GTF2F2: variants seen among roughly 807,000 people sequenced by gnomAD.
The protein encoded by GTF2F2 is ATP-dependent helicase GTF2F2.
A neutral mutation model predicts 42.2 loss-of-function variants in GTF2F2; 23 were observed. The observed-to-expected ratio is 0.55, with a 90% confidence interval of 0.39 to 0.77. The LOEUF is 0.77. GTF2F2 is among the 30% of genes least tolerant of loss of function. GTF2F2 has a pLI of 0.00. For synonymous variants in GTF2F2, 105 were observed against 100.8 expected (o/e 1.04, Z -0.25); for missense variants, 261 against 287.2 (o/e 0.91, Z 0.66).
chr13:45,236,494 C>CACACACAA lies in GTF2F2; in HGVS notation c.387-16370_387-16369insAACACACA, dbSNP rs1410112198. On this transcript the variant is annotated intron_variant, in intron 5 of 7. Transcript: ENST00000340473. ...TTCCTCACCCCCCGCCACACATACACACACACACACACACACACACACACA... is the reference window on the plus strand; with the variant it reads ...TTCCTCACCCCCCGCCACACATACACACACACAAACACACACACACACACACACACACA... Among the ~76,000 whole-genome samples, 6 of 70,546 alleles carry CACACACAA rather than the reference C, an allele frequency of 8.5e-5. No individual in the cohort carries two copies. In the African/African-American group the frequency reaches 9.5e-4, roughly 11 times the overall value. 46.3% of individuals were successfully genotyped at this position (70,546 alleles called of 152,430 possible). A position where few individuals can be genotyped will look rare whatever the true frequency, so the allele number is the denominator to read the frequency against.
intron 1 of GTF2F2, among the ~76,000 whole-genome samples, chr13:45,128,897 G>T (rs905494451): frequency 2.3e-4 from 35 of 152,004 alleles, no homozygotes; most frequent in Non-Finnish European, 3.8e-4. Flanking sequence ...CCGACACAAT[G>T]TTTTTAAGTT....
intron 4 of GTF2F2, among the ~76,000 whole-genome samples, chr13:45,189,315 G>T (rs1323037365): frequency 6.6e-6 from 1 of 152,044 alleles, no homozygotes; most frequent in Admixed American, 6.6e-5. Context: ...ATGGACATTT[G>T]GGTTGGTTCC....
At position 45,175,089 on chromosome 13, in the gene GTF2F2, C is replaced by G. The variant is rs537008697; in HGVS notation, c.304+23258C>G. Among the ~76,000 whole-genome samples, 113 of 152,190 alleles carry G rather than the reference C, an allele frequency of 7.4e-4. 2 individuals carry two copies. Among genetic ancestry groups the G allele is most frequent in the Admixed American group, 7.3e-3 (111 of 15,284 alleles). The stretch of plus-strand genomic sequence containing the variant: ...GTAATTTTGCATCTGTTAGCCAGTC[C>G]CTCCTTATCATGCCTCACACTTTCC... On this transcript the variant is annotated intron_variant, in intron 4 of 7. Coordinates refer to ENST00000340473, the MANE Select transcript of GTF2F2 (RefSeq NM_004128.3).
chr13:45,190,742 T>G (rs552158985), intron 4 of GTF2F2, among the ~76,000 whole-genome samples: 13 of 151,730 alleles, frequency 8.6e-5, no homozygotes, highest in Admixed American at 4.0e-4. Flanking sequence ...TTTGTGGGGG[T>G]TTTTTTGTTT....
At chr13:45,241,777 T>C (rs183770261) in intron 5 of GTF2F2, among the ~76,000 whole-genome samples, 4 of 152,312 alleles carry the variant, frequency 2.6e-5, no homozygotes, top group African/African-American at 9.6e-5. Context: ...AAATGGAGCC[T>C]GAGACTTTTC....
intron 2 of GTF2F2, 124 bp from the exon 3 acceptor site, chr13:45,149,646 T>C (rs1870382608): frequency 3.1e-6 from 3 of 966,960 alleles, no homozygotes; most frequent in Admixed American, 7.3e-5. Flanking sequence ...AGGGTAAATA[T>C]TGGTTAATCT....
intron 5 of GTF2F2, among the ~76,000 whole-genome samples, chr13:45,217,045 A>C (rs1406453552): frequency 6.6e-6 from 1 of 151,854 alleles, no homozygotes; most frequent in African/African-American, 2.4e-5. Flanking sequence ...TCACGCCTGT[A>C]ATCCCAGCAC....
At chr13:45,184,386 T>G (rs772398223) in intron 4 of GTF2F2, among the ~76,000 whole-genome samples, 1 of 147,698 alleles carries the variant, frequency 6.8e-6, no homozygotes, top group Non-Finnish European at 1.5e-5. Context: ...TTAACTTTAT[T>G]CCCCCCCGCC....
At chr13:45,281,976 A>G (rs1314420593) in intron 7 of GTF2F2, among the ~76,000 whole-genome samples, 2 of 152,024 alleles carry the variant, frequency 1.3e-5, no homozygotes, top group African/African-American at 4.8e-5. Context: ...AAGTGGGTGG[A>G]TCACCTGAGG....
chr13:45,248,648 G>T (rs1875749710), intron 5 of GTF2F2, among the ~76,000 whole-genome samples: 1 of 151,782 alleles, frequency 6.6e-6, no homozygotes, highest in South Asian at 2.1e-4. Context: ...TGATTTTTTT[G>T]TATTTTTAGT....
rs368606152 is a variant in GTF2F2, at chr13:45,212,475, C to CT, written c.386+4973dup. On this transcript the variant is annotated intron_variant, in intron 5 of 7. Coordinates refer to ENST00000340473, the MANE Select transcript of GTF2F2 (RefSeq NM_004128.3). ...TCTTTCTTTCTTTCTTTCTTTCTTT[C>CT]TTTCTTTCTTTCTTTCTTTCTTTCT... Among the ~76,000 whole-genome samples the CT allele has an allele frequency of 1.6e-3, 147 of 90,418 alleles. 7 individuals carry two copies. The highest frequency in any genetic ancestry group is 2.7e-3 in the Non-Finnish European group (110 of 41,124). 59.3% of individuals were successfully genotyped at this position (90,418 alleles called of 152,430 possible). A position where few individuals can be genotyped will look rare whatever the true frequency, so the allele number is the denominator to read the frequency against.
chr13:45,224,611 T>TC (rs1160077005), intron 5 of GTF2F2, among the ~76,000 whole-genome samples: 5 of 152,342 alleles, frequency 3.3e-5, no homozygotes, highest in African/African-American at 1.2e-4. Flanking sequence ...CACTTGGTCT[T>TC]TGTTGTTAAT....
chr13:45,236,813 T>G (rs1875015838), intron 5 of GTF2F2, among the ~76,000 whole-genome samples: 1 of 152,242 alleles, frequency 6.6e-6, no homozygotes. Context: ...TTTATTCATT[T>G]GCACCAACTA....
intron 7 of GTF2F2, among the ~76,000 whole-genome samples, chr13:45,279,578 A>T (rs955729862): frequency 1.3e-5 from 2 of 152,208 alleles, no homozygotes; most frequent in Admixed American, 1.3e-4. Flanking sequence ...TTGCATAAGT[A>T]CACTGAGTCT....
Position 45,151,827 on chromosome 13 carries a change from A to G in GTF2F2, c.300A>G (p.Ser100=). Residue 100 remains serine (S), a synonymous_variant, in exon 4 of 8, where the codon TCA becomes TCG. Transcript: ENST00000340473. ...GQTLTVFTES[S]SDKLSLEGIV... is the part of the protein sequence containing the mutation. ...CATTAACAGTATTTACTGAGAGCTC[A>G]TCAGGTAAGTGGGAATGGAATTATT... 6.8e-7 allele frequency: 1 copy of G among 1,470,250 alleles called. No individual in the cohort carries two copies. Among genetic ancestry groups the G allele is most frequent in the East Asian group, 2.5e-5 (1 of 39,854 alleles). 91.1% of individuals were successfully genotyped at this position (1,470,250 alleles called of 1,614,324 possible).
At chr13:45,129,353 G>T (rs983742256) in intron 1 of GTF2F2, among the ~76,000 whole-genome samples, 2 of 152,110 alleles carry the variant, frequency 1.3e-5, no homozygotes, top group Non-Finnish European at 2.9e-5. Flanking sequence ...GGGACTACAG[G>T]CACACACCAC....
intron 4 of GTF2F2, among the ~76,000 whole-genome samples, chr13:45,203,105 C>G (rs1873272662): frequency 2.0e-5 from 3 of 152,144 alleles, no homozygotes; most frequent in Admixed American, 2.0e-4. Context: ...GTTTTTCAGT[C>G]TCATTCTGTC....
chr13:45,151,426 C>G (rs1249996964), intron 3 of GTF2F2, among the ~76,000 whole-genome samples: 1 of 151,860 alleles, frequency 6.6e-6, no homozygotes, highest in Non-Finnish European at 1.5e-5. Context: ...AATGGCTGTT[C>G]ATAGTGAGCT....
Position 45,177,293 on chromosome 13 carries a change from C to A in GTF2F2, c.304+25462C>A, listed in dbSNP as rs150289886. Among the ~76,000 whole-genome samples the A allele has an allele frequency of 2.2e-3, 341 of 152,240 alleles. 5 individuals are homozygous for A. The highest frequency in any genetic ancestry group is 7.8e-3 in the African/African-American group (322 of 41,542). ...TTCTCCAGTGGTTGATATCATCTAG[C>A]CTTATTTTGGTAGCAAAGTTATACA... On this transcript the variant is annotated intron_variant, in intron 4 of 7. Transcript: ENST00000340473.
Sources: gnomAD v4.1 joint callset for allele counts (sites outside exome capture counted in the v4.1 genomes callset) on GRCh38, gnomAD v4.1.1 for gene constraint, MANE v1.5 for transcripts, NCBI Gene and HGNC (gene_info 2026-07-23, HGNC 2026-07-21) for gene names.